DPP4: variants seen among roughly 807,000 people sequenced by gnomAD.
The protein encoded by DPP4 is ADCP-2.
Under a neutral mutation model 122.4 loss-of-function variants are expected in DPP4, and 93 were observed. The ratio of observed to expected loss-of-function variants is 0.76; its 90% CI spans 0.64 to 0.90. DPP4 has a LOEUF of 0.90. DPP4 is among the 40% of genes least tolerant of loss of function. The pLI, the probability that DPP4 is intolerant of heterozygous loss-of-function variation, is 0.00. For synonymous variants in DPP4, 321 were observed against 302.9 expected (o/e 1.06, Z -0.62); for missense variants, 914 against 907.3 (o/e 1.01, Z -0.09).
chr2:162,020,732 T>C (rs2106102139), intron 12 of DPP4, 44 bp from the exon 13 acceptor site: 1 of 1,436,478 alleles, frequency 7.0e-7, no homozygotes, highest in East Asian at 2.3e-5. Flanking sequence ...GCACAGTGTC[T>C]CATCTCAGTA....
At chr2:162,066,882 AG>A in intron 2 of DPP4, among the ~76,000 whole-genome samples, 1 of 152,330 alleles carries the variant, frequency 6.6e-6, no homozygotes, top group Non-Finnish European at 1.5e-5. Flanking sequence ...GAATAGAGCA[AG>A]AACTCACTCA....
intron 23 of DPP4, among the ~76,000 whole-genome samples, chr2:162,002,875 A>T (rs1409607537): frequency 6.6e-6 from 1 of 152,170 alleles, no homozygotes; most frequent in Non-Finnish European, 1.5e-5. Flanking sequence ...GTGCACCAAA[A>T]ATAGGCACTT....
chr2:162,002,941 C>A (rs1701188443), intron 23 of DPP4, among the ~76,000 whole-genome samples: 1 of 152,208 alleles, frequency 6.6e-6, no homozygotes, highest in African/African-American at 2.4e-5. Flanking sequence ...AGCAACTTAC[C>A]ACGGTGGAGA....
At chr2:162,019,482 A>AC (rs1384438502) in intron 14 of DPP4, among the ~76,000 whole-genome samples, 1 of 152,000 alleles carries the variant, frequency 6.6e-6, no homozygotes, top group African/African-American at 2.4e-5. Flanking sequence ...TTCTTAACAG[A>AC]CTAAAATATG....
In DPP4 at chr2:161,995,045, A is replaced by G. The variant is rs572805881; in HGVS notation, c.2126-11T>C. The G allele has an allele frequency of 2.5e-6, 4 of 1,613,974 alleles. No homozygotes were observed. The South Asian group carries it at 3.3e-5, about 13-fold the overall frequency. On this transcript the variant is annotated splice_polypyrimidine_tract_variant and intron_variant, in intron 24 of 25. Coordinates refer to ENST00000360534, the MANE Select transcript of DPP4 (RefSeq NM_001935.4). ...GAAAGTGAACGTTATCTGCAGGGAG[A>G]GAAAGGAAACATAAAGTAGCTAATA...
At chr2:162,008,078 A>G (rs1290832195) in intron 22 of DPP4, among the ~76,000 whole-genome samples, 1 of 152,104 alleles carries the variant, frequency 6.6e-6, no homozygotes, top group Non-Finnish European at 1.5e-5. Context: ...TCTCGATGAC[A>G]AAGAGCATAT....
At chr2:162,004,214 G>A (rs553259260) in intron 23 of DPP4, among the ~76,000 whole-genome samples, 2 of 152,148 alleles carry the variant, frequency 1.3e-5, no homozygotes, top group Admixed American at 1.3e-4. Flanking sequence ...TGTTGTGGGT[G>A]GGAGTTAATC....
intron 16 of DPP4, 80 bp downstream of exon 16, chr2:162,018,649 G>A (rs1204072219): frequency 1.3e-6 from 2 of 1,522,920 alleles, no homozygotes; most frequent in African/African-American, 1.4e-5. Context: ...GAGCTCCTCA[G>A]ATTCAAAAGG....
chr2:162,010,180 G>T (rs1244565962), intron 20 of DPP4, among the ~76,000 whole-genome samples: 1 of 152,140 alleles, frequency 6.6e-6, no homozygotes, highest in Non-Finnish European at 1.5e-5. Context: ...TTGTAAAATT[G>T]AAGGAGGCAG....
At chr2:162,049,698 C>T (rs968965321) in intron 2 of DPP4, among the ~76,000 whole-genome samples, 8 of 152,030 alleles carry the variant, frequency 5.3e-5, no homozygotes, top group Non-Finnish European at 1.2e-4. Flanking sequence ...GCCATTCCCT[C>T]AGTTAAAAAT....
intron 9 of DPP4, among the ~76,000 whole-genome samples, chr2:162,033,862 G>GTGTATATATATATATATA (rs1184597685): frequency 9.6e-6 from 1 of 104,020 alleles, no homozygotes; most frequent in Non-Finnish European, 1.9e-5. Flanking sequence ...CAGAATATGT[G>GTGTATATATATATATATA]TATATATATA....
At position 161,993,231 on chromosome 2, in the gene DPP4, G is replaced by T; in HGVS notation, c.*52C>A. 1 of 1,409,350 alleles carries T rather than the reference G, an allele frequency of 7.1e-7. No homozygotes were observed. The highest frequency in any genetic ancestry group is 1.0e-6 in the Non-Finnish European group (1 of 995,510). 87.3% of individuals were successfully genotyped at this position (1,409,350 alleles called of 1,614,324 possible). A position where few individuals can be genotyped will look rare whatever the true frequency, so the allele number is the denominator to read the frequency against. On this transcript the variant is annotated 3_prime_UTR_variant, in exon 26 of 26. Transcript: ENST00000360534. ...CTTGACAGTGCAGTTTTGAGATAAT[G>T]AAAACAAAAATGAGTTTTAATAAGC...
At chr2:161,996,551 A>G (rs1701010544) in intron 23 of DPP4, among the ~76,000 whole-genome samples, 1 of 152,210 alleles carries the variant, frequency 6.6e-6, no homozygotes, top group African/African-American at 2.4e-5. Flanking sequence ...TCAGTGAGCT[A>G]TGCAACTGGA....
chr2:162,067,137 A>C (rs146628453), intron 2 of DPP4, among the ~76,000 whole-genome samples: 1 of 40,424 alleles, frequency 2.5e-5, no homozygotes, highest in Non-Finnish European at 5.7e-5. Context: ...TAAATCTCAT[A>C]CTGAAAGAGT....
chr2:162,047,790 TGA>T (rs1386966547), intron 2 of DPP4, among the ~76,000 whole-genome samples: 1 of 152,190 alleles, frequency 6.6e-6, no homozygotes, highest in African/African-American at 2.4e-5. Context: ...AAATAGAATG[TGA>T]GTATATTTTC....
In DPP4 at chr2:162,047,012, G is replaced by T. The variant is rs570817243; in HGVS notation, c.194-6C>A. The T allele has an allele frequency of 1.0e-5, 15 of 1,465,348 alleles. No homozygotes were observed. In the East Asian group the frequency reaches 3.2e-4, roughly 31 times the overall value. 90.8% of individuals were successfully genotyped at this position (1,465,348 alleles called of 1,614,324 possible). ...TTTGTAGAGATATTCATGATCTAAA[G>T]AGAGAAAACACCCAGATCAAAATTT... On this transcript the variant is annotated splice_polypyrimidine_tract_variant and splice_region_variant and intron_variant, in intron 3 of 25. Transcript: ENST00000360534.
At chr2:162,019,387 T>C (rs1254521050) in intron 14 of DPP4, 111 bp from the exon 15 acceptor site, 1 of 668,860 alleles carries the variant, frequency 1.5e-6, no homozygotes, top group African/African-American at 1.9e-5. Flanking sequence ...CGCGCACGGG[T>C]GCCCGCCGCC....
At position 161,992,259 on chromosome 2, in the gene DPP4, A is replaced by C. The variant is rs928055479; in HGVS notation, c.*1024T>G. The C allele has an allele frequency of 6.6e-6, 1 of 152,238 alleles. No homozygotes were observed. The highest frequency in any genetic ancestry group is 6.5e-5 in the Admixed American group (1 of 15,290). 9.4% of individuals were successfully genotyped at this position (152,238 alleles called of 1,614,324 possible). A position where few individuals can be genotyped will look rare whatever the true frequency, so the allele number is the denominator to read the frequency against. On this transcript the variant is annotated 3_prime_UTR_variant, in exon 26 of 26. Coordinates refer to ENST00000360534, the MANE Select transcript of DPP4 (RefSeq NM_001935.4). ...CAAGTCATTACTTCTGAAAAAATGAAGGCACATTTATTAAATGACTGGGAG... is the reference window on the plus strand; with the variant it reads ...CAAGTCATTACTTCTGAAAAAATGACGGCACATTTATTAAATGACTGGGAG...
At chr2:162,055,555 C>T (rs1684542116) in intron 2 of DPP4, among the ~76,000 whole-genome samples, 1 of 151,908 alleles carries the variant, frequency 6.6e-6, no homozygotes, top group Admixed American at 6.6e-5. Flanking sequence ...AAAAAGTCAT[C>T]CTGGCATGGT....
Sources: gnomAD v4.1 joint callset for allele counts (sites outside exome capture counted in the v4.1 genomes callset) on GRCh38, gnomAD v4.1.1 for gene constraint, MANE v1.5 for transcripts, NCBI Gene and HGNC (gene_info 2026-07-23, HGNC 2026-07-21) for gene names.